ANKIB1: variants seen among roughly 807,000 people sequenced by gnomAD.
ANKIB1 encodes the protein ankyrin repeat and IBR domain containing 1, also known as ankyrin repeat and IBR domain-containing protein 1.
A neutral mutation model predicts 122.1 loss-of-function variants in ANKIB1; 43 were observed. The observed-to-expected ratio is 0.35, with a 90% CI of 0.28 to 0.45. ANKIB1 has a LOEUF of 0.45. Ranked by LOEUF, ANKIB1 falls within the 20% of genes least tolerant of loss-of-function variation. The probability of loss-of-function intolerance (pLI) is 1.00; values close to 1 mark genes in which losing one functional copy is unlikely to be tolerated. For synonymous variants in ANKIB1, 390 were observed against 442.0 expected, an observed-to-expected ratio of 0.88 and a Z score of 1.48; for missense variants, 992 against 1,329.5, an observed-to-expected ratio of 0.75 and a Z score of 3.95.
chr7:92,366,328 G>A (rs1161111688), intron 10 of ANKIB1, among the ~76,000 whole-genome samples: 1 of 152,070 alleles, frequency 6.6e-6, no homozygotes, highest in Non-Finnish European at 1.5e-5. Flanking sequence ...CTCCTTGTGT[G>A]CACTAAGTGA....
chr7:92,388,319 C>G, intron 14 of ANKIB1, among the ~76,000 whole-genome samples: 1 of 152,194 alleles, frequency 6.6e-6, no homozygotes. Context: ...TGCTGATGCT[C>G]TACAATGTTG....
chr7:92,275,991 C>G (rs1292516197), intron 1 of ANKIB1, among the ~76,000 whole-genome samples: 1 of 152,052 alleles, frequency 6.6e-6, no homozygotes, highest in Non-Finnish European at 1.5e-5. Context: ...CATACACATG[C>G]CATATGTCTT....
chr7:92,338,324 A>G (rs1434287586), intron 5 of ANKIB1, among the ~76,000 whole-genome samples: 1 of 151,862 alleles, frequency 6.6e-6, no homozygotes, highest in Non-Finnish European at 1.5e-5. Flanking sequence ...AGGCTGAGGT[A>G]GGAGGATCAC....
At chr7:92,307,274 C>A in intron 2 of ANKIB1, 85 bp from the exon 3 acceptor site, 1 of 1,339,810 alleles carries the variant, frequency 7.5e-7, no homozygotes, top group Non-Finnish European at 1.0e-6. Flanking sequence ...TAGAGTTTAT[C>A]TTTTAAAAGT....
chr7:92,384,679 C>G (rs2115687870), intron 11 of ANKIB1, among the ~76,000 whole-genome samples: 1 of 152,152 alleles, frequency 6.6e-6, no homozygotes, highest in Non-Finnish European at 1.5e-5. Flanking sequence ...AACTGGCTAC[C>G]CATATGTAGA....
intron 1 of ANKIB1, among the ~76,000 whole-genome samples, chr7:92,291,797 G>A (rs1229611321): frequency 6.6e-6 from 1 of 151,970 alleles, no homozygotes; most frequent in African/African-American, 2.4e-5. Context: ...GGCTGGTCTT[G>A]AACGCCTGAC....
chr7:92,368,846 A>G (rs912959446), intron 10 of ANKIB1, among the ~76,000 whole-genome samples: 8 of 152,238 alleles, frequency 5.3e-5, no homozygotes, highest in Non-Finnish European at 1.0e-4. Flanking sequence ...TTCCCTGAAC[A>G]TGATTTACTT....
At chr7:92,382,468 A>T (rs184944306) in intron 11 of ANKIB1, among the ~76,000 whole-genome samples, 22 of 152,334 alleles carry the variant, frequency 1.4e-4, no homozygotes, top group African/African-American at 4.8e-4. Context: ...ACTTGTTCCA[A>T]AATTGACCAC....
At chr7:92,337,870 G>C (rs1405640662) in intron 5 of ANKIB1, among the ~76,000 whole-genome samples, 1 of 152,104 alleles carries the variant, frequency 6.6e-6, no homozygotes, top group Non-Finnish European at 1.5e-5. Context: ...GGAAAGCCTT[G>C]ATAAAGGCAA....
chr7:92,287,270 G>T (rs1008896802), intron 1 of ANKIB1, among the ~76,000 whole-genome samples: 3 of 152,132 alleles, frequency 2.0e-5, no homozygotes, highest in Non-Finnish European at 4.4e-5. Flanking sequence ...TCAGAATCCA[G>T]TCTAGGGCCC....
At chr7:92,282,447 A>G (rs1409771215) in intron 1 of ANKIB1, among the ~76,000 whole-genome samples, 2 of 152,196 alleles carry the variant, frequency 1.3e-5, no homozygotes, top group African/African-American at 4.8e-5. Flanking sequence ...CCTGGCCAGC[A>G]TAAGTACTTT....
intron 1 of ANKIB1, among the ~76,000 whole-genome samples, chr7:92,257,153 A>G (rs975424116): frequency 2.6e-5 from 4 of 151,868 alleles, no homozygotes; most frequent in African/African-American, 4.8e-5. Flanking sequence ...AGATCGCCCA[A>G]CTGCACTCCA....
intron 1 of ANKIB1, among the ~76,000 whole-genome samples, chr7:92,274,799 AT>A (rs945459655): frequency 6.6e-6 from 1 of 151,950 alleles, no homozygotes; most frequent in Non-Finnish European, 1.5e-5. Context: ...TAAAAAAAAA[AT>A]TTTTTTTAAT....
intron 9 of ANKIB1, among the ~76,000 whole-genome samples, chr7:92,359,036 G>A (rs1803885895): frequency 6.6e-6 from 1 of 152,118 alleles, no homozygotes; most frequent in South Asian, 2.1e-4. Context: ...CTGGAAAGCA[G>A]AATTGATGTT....
chr7:92,388,836 G>T (rs1434596582), intron 14 of ANKIB1, among the ~76,000 whole-genome samples: 2 of 152,138 alleles, frequency 1.3e-5, no homozygotes, highest in Non-Finnish European at 2.9e-5. Flanking sequence ...TAAATGGAGT[G>T]GGGGAGAATA....
intron 1 of ANKIB1, chr7:92,294,316 T>C (rs534652035): frequency 3.9e-5 from 6 of 152,358 alleles, no homozygotes; most frequent in South Asian, 2.1e-4. Flanking sequence ...CTGTGTATTA[T>C]CAGTTTTAGT....
At position 92,257,530 on chromosome 7, in the gene ANKIB1, C is replaced by T. The variant is rs548030695; in HGVS notation, c.-91+11011C>T. Among the ~76,000 whole-genome samples the T allele has an allele frequency of 1.2e-3, 182 of 152,330 alleles. 1 individual carries two copies. The highest frequency in any genetic ancestry group is 4.1e-3 in the African/African-American group (169 of 41,572). ...TACTGTAGCCAGACGCGGTGGCTCA[C>T]GCCTGTAATCCCAACACTTTGGGAG... On this transcript the variant is annotated intron_variant, in intron 1 of 19. Transcript: ENST00000265742.
chr7:92,327,027 A>G (rs1016859938), intron 4 of ANKIB1, among the ~76,000 whole-genome samples: 16 of 152,214 alleles, frequency 1.1e-4, no homozygotes, highest in Non-Finnish European at 2.2e-4. Context: ...ATGAACATAC[A>G]TATTCATACC....
chr7:92,291,572 T>C (rs908854464), intron 1 of ANKIB1, among the ~76,000 whole-genome samples: 25 of 146,006 alleles, frequency 1.7e-4, no homozygotes, highest in East Asian at 5.9e-4. Context: ...TTTTTCTTTT[T>C]TTTTTTTTTT....
Sources: allele counts gnomAD v4.1 joint callset (sites outside exome capture counted in the v4.1 genomes callset), GRCh38; gene constraint gnomAD v4.1.1; transcripts MANE v1.5; gene names NCBI Gene and HGNC (gene_info 2026-07-23, HGNC 2026-07-21).